The following SMIM31 variants were observed in gnomAD, a reference collection of about 807,000 sequenced individuals.
SMIM31 encodes the protein human epithelial cell program regulator.
chr4:164,768,974 A>G (rs1383171175), intron 1 of SMIM31, among the ~76,000 whole-genome samples: 1 of 152,182 alleles, frequency 6.6e-6, no homozygotes, highest in East Asian at 1.9e-4. Flanking sequence ...CCGATTTCAC[A>G]CATGATTCTG....
intron 1 of SMIM31, among the ~76,000 whole-genome samples, chr4:164,766,796 CAA>C (rs33966423): frequency 1.1e-4 from 13 of 115,978 alleles, no homozygotes; most frequent in Non-Finnish European, 7.4e-5. Flanking sequence ...GACTCCATCT[CAA>C]AAAAAAAAAA....
chr4:164,795,507 G>T (rs1579074653), intron 2 of SMIM31, among the ~76,000 whole-genome samples: 1 of 143,414 alleles, frequency 7.0e-6, no homozygotes, highest in African/African-American at 2.6e-5. Context: ...TTGCAGTGAG[G>T]CGAGATCACG....
intron 2 of SMIM31, among the ~76,000 whole-genome samples, chr4:164,798,224 A>ATTTTTTTT (rs1370282043): frequency 2.3e-5 from 2 of 85,732 alleles, no homozygotes; most frequent in African/African-American, 7.9e-5. Context: ...TGATATAATG[A>ATTTTTTTT]TTTTTATTTT....
chr4:164,788,478 C>CTT (rs72177805), intron 2 of SMIM31, among the ~76,000 whole-genome samples: 1,929 of 58,144 alleles, frequency 0.033, 488 homozygotes, highest in African/African-American at 0.12. Context: ...TCTAATTTTT[C>CTT]TTTTTTTTTT....
chr4:164,792,104 T>C (rs1273329263), intron 2 of SMIM31, among the ~76,000 whole-genome samples: 1 of 152,232 alleles, frequency 6.6e-6, no homozygotes, highest in African/African-American at 2.4e-5. Flanking sequence ...CTTGAAGATC[T>C]TGTTAAAATG....
chr4:164,763,480 A>ATTAAAGAAAAAAACTTT, intron 1 of SMIM31, among the ~76,000 whole-genome samples: 1 of 152,320 alleles, frequency 6.6e-6, no homozygotes, highest in South Asian at 2.1e-4. Flanking sequence ...TCAGGCTAAA[A>ATTAAAGAAAAAAACTTT]TTAAAGAAAA....
intron 2 of SMIM31, among the ~76,000 whole-genome samples, chr4:164,788,842 T>C (rs1241710243): frequency 6.6e-6 from 1 of 152,200 alleles, no homozygotes; most frequent in Non-Finnish European, 1.5e-5. Context: ...ACATGTGCTA[T>C]ATTTTATATC....
chr4:164,776,477 A>T (rs529472928), intron 2 of SMIM31, among the ~76,000 whole-genome samples: 3 of 152,206 alleles, frequency 2.0e-5, no homozygotes, highest in African/African-American at 7.2e-5. Flanking sequence ...GTCTCAGAGG[A>T]GAGGTAATAC....
rs138571880 is a variant in SMIM31 at position 164,773,867 on chromosome 4, C to T, written c.112+3312C>T. ...TTCGTGATTAGAAATTTAGATAGAG[C>T]AATAAGATTCATCATCTGGCTGGGT... is the stretch of plus-strand genomic sequence containing the variant. On this transcript the variant is annotated intron_variant, in intron 2 of 2. Coordinates refer to ENST00000507311, the MANE Select transcript of SMIM31 (RefSeq NM_001352885.1). Among the ~76,000 whole-genome samples the T allele has an allele frequency of 4.6e-5, 7 of 152,124 alleles. No individual in the cohort carries two copies. The East Asian group carries it at 1.2e-3, about 25-fold the overall frequency.
chr4:164,786,154 T>C (rs1241618116), intron 2 of SMIM31, among the ~76,000 whole-genome samples: 4 of 152,208 alleles, frequency 2.6e-5, no homozygotes, highest in Non-Finnish European at 5.9e-5. Context: ...TGTGACACAA[T>C]TTCCCAGGAA....
In SMIM31 at chr4:164,797,206, C is replaced by T. The variant is rs190496513; in HGVS notation, c.113-3885C>T. Among the ~76,000 whole-genome samples the T allele has an allele frequency of 5.9e-3, 899 of 152,274 alleles. 3 individuals carry two copies. The highest frequency in any genetic ancestry group is 9.8e-3 in the Non-Finnish European group (665 of 68,022). The stretch of plus-strand genomic sequence containing the variant: ...CAATCTCCTCTTTACCTCAGTATTC[C>T]TGATCCTCCTTGCAAAGTTTTATTT... On this transcript the variant is annotated intron_variant, in intron 2 of 2. Coordinates refer to ENST00000507311, the MANE Select transcript of SMIM31 (RefSeq NM_001352885.1).
intron 2 of SMIM31, among the ~76,000 whole-genome samples, chr4:164,797,952 A>T (rs1733226533): frequency 6.6e-6 from 1 of 152,076 alleles, no homozygotes; most frequent in Non-Finnish European, 1.5e-5. Context: ...GTACCTATTG[A>T]TTATCTCTCA....
chr4:164,762,134 G>A (rs901806559), intron 1 of SMIM31, among the ~76,000 whole-genome samples: 5 of 152,186 alleles, frequency 3.3e-5, no homozygotes, highest in African/African-American at 1.2e-4. Flanking sequence ...TTGTGAAATG[G>A]GAAACTGCTT....
intron 1 of SMIM31, among the ~76,000 whole-genome samples, chr4:164,759,360 T>C (rs750165114): frequency 1.4e-4 from 21 of 152,216 alleles, no homozygotes; most frequent in Non-Finnish European, 2.6e-4. Flanking sequence ...AGGAGACTGC[T>C]AATAATAATA....
At position 164,783,640 on chromosome 4, in the gene SMIM31, G is replaced by A. The variant is rs1579070194; in HGVS notation, c.112+13085G>A. Among the ~76,000 whole-genome samples the A allele has an allele frequency of 2.0e-5, 3 of 151,394 alleles. No individual in the cohort carries two copies. The South Asian group carries it at 6.3e-4, about 32-fold the overall frequency. On this transcript the variant is annotated intron_variant, in intron 2 of 2. Coordinates refer to ENST00000507311, the MANE Select transcript of SMIM31 (RefSeq NM_001352885.1). ...AGAAAAACATGTGATCCATAAACTGGGTGTAATGGATCATGCCTGTAATCC... is the reference window on the plus strand; with the variant it reads ...AGAAAAACATGTGATCCATAAACTGAGTGTAATGGATCATGCCTGTAATCC...
chr4:164,780,445 G>A (rs933763666), intron 2 of SMIM31, among the ~76,000 whole-genome samples: 3 of 152,074 alleles, frequency 2.0e-5, no homozygotes, highest in African/African-American at 4.8e-5. Flanking sequence ...AACAAAAAAC[G>A]AATAGCTTCT....
chr4:164,769,217 C>G (rs1363056136), intron 1 of SMIM31, among the ~76,000 whole-genome samples: 1 of 152,168 alleles, frequency 6.6e-6, no homozygotes, highest in Non-Finnish European at 1.5e-5. Context: ...TTCCTTCATT[C>G]TCTCCTGTAC....
At chr4:164,774,825 A>C (rs750695184) in intron 2 of SMIM31, among the ~76,000 whole-genome samples, 4 of 152,150 alleles carry the variant, frequency 2.6e-5, no homozygotes, top group Non-Finnish European at 5.9e-5. Flanking sequence ...TTTTATATTA[A>C]ATTTTGCCCT....
At chr4:164,781,779 T>C (rs934653353) in intron 2 of SMIM31, among the ~76,000 whole-genome samples, 14 of 152,226 alleles carry the variant, frequency 9.2e-5, no homozygotes, top group Non-Finnish European at 1.5e-4. Context: ...TAAGATTACA[T>C]AGTGGATGCT....
Sources: allele counts gnomAD v4.1 joint callset (sites outside exome capture counted in the v4.1 genomes callset), GRCh38; gene constraint gnomAD v4.1.1; transcripts MANE v1.5; gene names NCBI Gene and HGNC (gene_info 2026-07-23, HGNC 2026-07-21).